DNAH10: variants seen among roughly 807,000 people sequenced by gnomAD.
DNAH10 encodes the protein axonemal beta dynein heavy chain 10.
A neutral mutation model predicts 506.6 loss-of-function variants in DNAH10; 348 were observed. That is an observed-to-expected ratio of 0.69 (90% CI 0.63 to 0.75). The LOEUF (loss-of-function observed/expected upper bound fraction) is 0.75. Among genes scored for constraint, DNAH10 ranks in the 30% least tolerant of loss-of-function variants. The pLI, the probability that DNAH10 is intolerant of heterozygous loss-of-function variation, is 0.00. For synonymous variants in DNAH10, 2,059 were observed against 2,198.6 expected (o/e 0.94, Z 1.78); for missense variants, 5,179 against 5,787.1 (o/e 0.89, Z 3.41).
In DNAH10 at chr12:123,902,899, C is replaced by G; in HGVS notation, c.9641-40C>G. ...AGCCGGGGCCGCGAGTGCATCTCCT[C>G]TGAGCCCAAGCTTTACTCACCCCCT... is the stretch of plus-strand genomic sequence containing the variant. On this transcript the variant is annotated intron_variant, in intron 56 of 78. Coordinates refer to ENST00000673944, the MANE Select transcript of DNAH10 (RefSeq NM_001372106.1). This position sits in a 1 kb window ranked among gnomAD's most constrained non-coding sequence, Gnocchi z 4.5. 3 of 1,547,252 alleles carry G rather than the reference C, an allele frequency of 1.9e-6. No individual in the cohort carries two copies. The highest frequency in any genetic ancestry group is 2.6e-6 in the Non-Finnish European group (3 of 1,145,520).
Position 123,804,976 on chromosome 12 carries a change from C to T in DNAH10, c.2923C>T (p.Leu975=), listed in dbSNP as rs1449265897. Residue 975 remains leucine, a synonymous_variant, in exon 18 of 79, where the codon CTG becomes TTG. Coordinates refer to ENST00000673944, the MANE Select transcript of DNAH10 (RefSeq NM_001372106.1). ...VHTNTGKAPK[L]ASYYKYWEKK... ...CACCAACACAGGCAAGGCCCCCAAG[C>T]TGGCCTCCTACTACAAATACTGGGA... The T allele has an allele frequency of 6.2e-7, 1 of 1,614,210 alleles. No homozygotes were observed. Among genetic ancestry groups the T allele is most frequent in the Admixed American group, 1.7e-5 (1 of 60,024 alleles).
rs951669256 is a variant in DNAH10 at position 123,913,903 on chromosome 12, G to A, written c.10353-426G>A. ...TCAGTATTTCTTAAACCTAAGTCTT[G>A]GGGCATTTACTGAAAGAGGACAAAT... is the stretch of plus-strand genomic sequence containing the variant. On this transcript the variant is annotated intron_variant, in intron 60 of 78. Transcript: ENST00000673944. This position sits in a 1 kb window ranked among gnomAD's most constrained non-coding sequence, Gnocchi z 5.1. Among the ~76,000 whole-genome samples the A allele has an allele frequency of 2.0e-5, 3 of 152,188 alleles. No homozygotes were observed. The highest frequency in any genetic ancestry group is 7.2e-5 in the African/African-American group (3 of 41,448).
At position 123,867,891 on chromosome 12, in the gene DNAH10, C is replaced by T. The variant is rs749313078; in HGVS notation, c.7303-12C>T. ...CTATGTGGGCTGAACCAGATATTTTCCTGTGAACCAGGTAACCCAGTTAGC... is the reference window on the plus strand; with the variant it reads ...CTATGTGGGCTGAACCAGATATTTTTCTGTGAACCAGGTAACCCAGTTAGC... On this transcript the variant is annotated splice_polypyrimidine_tract_variant and intron_variant, in intron 42 of 78. Transcript: ENST00000673944. 3 of 1,609,796 alleles carry T rather than the reference C, an allele frequency of 1.9e-6. No homozygotes were observed. Among genetic ancestry groups the T allele is most frequent in the Middle Eastern group, 3.3e-4 (2 of 6,058 alleles).
chr12:123,866,935 T>A (rs1474270104), intron 41 of DNAH10, among the ~76,000 whole-genome samples: 1 of 152,154 alleles, frequency 6.6e-6, no homozygotes, highest in Non-Finnish European at 1.5e-5. Flanking sequence ...TCTGGGTGTG[T>A]CTCTAGTAGG....
At position 123,898,565 on chromosome 12, in the gene DNAH10, T is replaced by C. The variant is rs975310144; in HGVS notation, c.9479-88T>C. 9.3e-6 allele frequency: 13 copies of C among 1,403,930 alleles called. No homozygotes were observed. In the African/African-American group the frequency reaches 1.9e-4, roughly 21 times the overall value. 87.0% of individuals were successfully genotyped at this position (1,403,930 alleles called of 1,614,324 possible). On this transcript the variant is annotated intron_variant, in intron 55 of 78. Transcript: ENST00000673944. The stretch of plus-strand genomic sequence containing the variant: ...CTTGTAAAAATGTTTTGTTTTGTTT[T>C]TGATAAGCTGAAGTTAGGCAAATCT...
Position 123,913,113 on chromosome 12 carries a change from C to A in DNAH10, c.10150C>A (p.Arg3384=), listed in dbSNP as rs749014213. The A allele has an allele frequency of 1.9e-6, 3 of 1,610,204 alleles. No individual in the cohort carries two copies. The highest frequency in any genetic ancestry group is 2.5e-6 in the Non-Finnish European group (3 of 1,178,680). Residue 3384 remains arginine, a synonymous_variant, in exon 60 of 79, where the codon CGG becomes AGG. Coordinates refer to ENST00000673944, the MANE Select transcript of DNAH10 (RefSeq NM_001372106.1). The surrounding 1 kb of genome is among the most constrained non-coding windows in gnomAD (Gnocchi z 5.1). The stretch of plus-strand genomic sequence containing the variant: ...CTTCACTTAGGTGGCCAGGCTGGAG[C>A]GGAATTTTTACCTCACTAAACGGGA... ...PKREKVARLE[R]NFYLTKRELE...
chr12:123,930,869 T>C (rs1955171847), intron 73 of DNAH10, among the ~76,000 whole-genome samples: 2 of 151,902 alleles, frequency 1.3e-5, no homozygotes, highest in South Asian at 4.2e-4. Context: ...CTGGGTGTGG[T>C]AGTGTAGAAT....
At position 123,819,229 on chromosome 12, in the gene DNAH10, G is replaced by C. The variant is rs574141502; in HGVS notation, c.3979G>C (p.Val1327Leu). Residue 1327 changes from valine to leucine, a missense_variant, in exon 23 of 79, where the codon GTT (valine) becomes CTT (leucine). Val to Leu is a conservative substitution (Grantham distance 32, BLOSUM62 1). Transcript: ENST00000673944. ...KRFYSEGPGS[V>L]GDDLDKGVEL... ...TTTTTACAGTGAAGGCCCTGGTTCT[G>C]TTGGTGATGATCTTGATAAAGGTAA... 6.8e-6 allele frequency: 11 copies of C among 1,612,924 alleles called. No homozygotes were observed. The South Asian group carries it at 9.9e-5, about 15-fold the overall frequency.
chr12:123,807,503 G>A (rs1435814678), intron 18 of DNAH10, among the ~76,000 whole-genome samples: 6 of 152,100 alleles, frequency 3.9e-5, no homozygotes, highest in African/African-American at 9.7e-5. Context: ...GAGCTGAAAC[G>A]GGGAAGAGCT....
At chr12:123,818,482 C>G (rs1959183068) in intron 21 of DNAH10, among the ~76,000 whole-genome samples, 1 of 151,918 alleles carries the variant, frequency 6.6e-6, no homozygotes, top group Non-Finnish European at 1.5e-5. Context: ...TGCCACCACG[C>G]CTGGCTAATT....
In DNAH10 at chr12:123,819,572, G is replaced by A. The variant is rs142075850; in HGVS notation, c.4000+322G>A. Among the ~76,000 whole-genome samples, 187 of 152,166 alleles carry A rather than the reference G, an allele frequency of 1.2e-3. 1 individual carries two copies. Among genetic ancestry groups the A allele is most frequent in the African/African-American group, 3.5e-3 (145 of 41,526 alleles). Reference sequence around the variant, plus strand: ...AACACCAGCGACTGCCTTTACAAAGGCAGCGTCTTATCCATCCATCTGCCT... The same window carrying A: ...AACACCAGCGACTGCCTTTACAAAGACAGCGTCTTATCCATCCATCTGCCT... On this transcript the variant is annotated intron_variant, in intron 23 of 78. Transcript: ENST00000673944.
In DNAH10 at chr12:123,806,022, C is replaced by T. The variant is rs148672913; in HGVS notation, c.2987+982C>T. ...TGATCTCCTGACCTCATGATCCGCCCGCGTTGGCCTCCCAAAGTGCTGGGA... is the reference window on the plus strand; with the variant it reads ...TGATCTCCTGACCTCATGATCCGCCTGCGTTGGCCTCCCAAAGTGCTGGGA... On this transcript the variant is annotated intron_variant, in intron 18 of 78. Coordinates refer to ENST00000673944, the MANE Select transcript of DNAH10 (RefSeq NM_001372106.1). Among the ~76,000 whole-genome samples the T allele has an allele frequency of 8.8e-4, 134 of 152,258 alleles. 1 individual carries two copies. The East Asian group carries it at 0.011, about 12-fold the overall frequency.
At chr12:123,823,550 T>C (rs1959646014) in intron 24 of DNAH10, among the ~76,000 whole-genome samples, 1 of 152,194 alleles carries the variant, frequency 6.6e-6, no homozygotes, top group African/African-American at 2.4e-5. Context: ...ACCGTCAGCT[T>C]TTAAAAGGAA....
At position 123,875,250 on chromosome 12, in the gene DNAH10, A is replaced by G; in HGVS notation, c.7958A>G (p.Gln2653Arg). ...ATCAAGGTGGATGAATATGGCACGC[A>G]GCAGCCCATTGCCTTGCTGAAGCTG... ...NMPRVDEYGT[Q>R]QPIALLKLLL... Residue 2653 changes from glutamine (Q) to arginine (R), a missense_variant, in exon 47 of 79, where the codon CAG (glutamine) becomes CGG (arginine). Physicochemically the swap from Gln to Arg is conservative, Grantham distance 43. Around this residue, in one of 3 missense-constraint regions of DNAH10, gnomAD observed 4,844 missense variants for 5,430.5 expected, o/e 0.89. Transcript: ENST00000673944. The G allele has an allele frequency of 6.2e-7, 1 of 1,611,284 alleles. No homozygotes were observed. The highest frequency in any genetic ancestry group is 8.5e-7 in the Non-Finnish European group (1 of 1,178,558).
In DNAH10 at chr12:123,931,843, A is replaced by G; in HGVS notation, c.13124A>G (p.Gln4375Arg). The G allele has an allele frequency of 6.2e-7, 1 of 1,614,004 alleles. No individual in the cohort carries two copies. ...ATGACGAAGTCTCTGGCTGAACTTC[A>G]AAGGGTGAGCCTGTCTCTCATGTGC... is the stretch of plus-strand genomic sequence containing the variant. ...VRMTKSLAEL[Q>R]RALAGEVGMS... is the part of the protein sequence containing the mutation. The change falls in exon 75 of 79, where the codon CAA (glutamine) becomes CGA (arginine). Residue 4375 changes from glutamine (Q) to arginine (R), a missense_variant. Coordinates refer to ENST00000673944, the MANE Select transcript of DNAH10 (RefSeq NM_001372106.1).
rs1473750538 is a variant in DNAH10 at position 123,918,709 on chromosome 12, G to T, written c.11266G>T (p.Ala3756Ser). The stretch of plus-strand genomic sequence containing the variant: ...GAAACTCAAGCTGGCGGAGAAGACA[G>T]CCTTGGACATCGACAGGCTGCGGGA... ...SEKLKLAEKT[A>S]LDIDRLRDGY... The change falls in exon 65 of 79, where the codon GCC (alanine) becomes TCC (serine). Residue 3756 changes from alanine to serine, a missense_variant. By Grantham distance (99) the Ala-to-Ser change is moderately conservative. This residue lies in a region of DNAH10 where 4,844 missense variants were observed against 5,430.5 expected (regional missense o/e 0.89). Transcript: ENST00000673944. 6.3e-7 allele frequency: 1 copy of T among 1,585,168 alleles called. No individual in the cohort carries two copies. Among genetic ancestry groups the T allele is most frequent in the Non-Finnish European group, 8.6e-7 (1 of 1,161,700 alleles).
chr12:123,874,110 CTT>C (rs1169494831), intron 46 of DNAH10, among the ~76,000 whole-genome samples: 1 of 152,176 alleles, frequency 6.6e-6, no homozygotes, highest in Non-Finnish European at 1.5e-5. Flanking sequence ...GGAAGAGAAA[CTT>C]CAGCTGCATT....
At chr12:123,801,492 G>T in intron 16 of DNAH10, 60 bp downstream of exon 16, 1 of 1,563,222 alleles carries the variant, frequency 6.4e-7, no homozygotes, top group Non-Finnish European at 8.7e-7. Flanking sequence ...ATTCTTTTAG[G>T]TTGTTTTATT....
At chr12:123,795,440 A>T (rs560301776) in intron 12 of DNAH10, among the ~76,000 whole-genome samples, 3 of 152,104 alleles carry the variant, frequency 2.0e-5, no homozygotes, top group South Asian at 2.1e-4. Flanking sequence ...GTCTCTAGGG[A>T]TGATTCAGTG....
Sources: allele counts gnomAD v4.1 joint callset (sites outside exome capture counted in the v4.1 genomes callset), GRCh38; gene constraint gnomAD v4.1.1; regional missense constraint gnomAD v4.1.1; non-coding constraint Gnocchi (gnomAD v3.1); transcripts MANE v1.5; gene names NCBI Gene and HGNC (gene_info 2026-07-23, HGNC 2026-07-21).